JMJD1C: variants seen among roughly 807,000 people sequenced by gnomAD.
JMJD1C encodes the protein jumonji domain-containing protein 1C.
A neutral mutation model predicts 245.3 loss-of-function variants in JMJD1C; 31 were observed. The observed-to-expected ratio is 0.13, with a 90% CI of 0.09 to 0.17. The LOEUF (loss-of-function observed/expected upper bound fraction) is 0.17, where lower values mean the gene tolerates loss of function less well. Ranked by LOEUF, JMJD1C falls within the 10% of genes least tolerant of loss-of-function variation. The pLI is 1.00. For missense variants in JMJD1C, 2,691 were observed against 3,000.2 expected, an observed-to-expected ratio of 0.90 and a Z score of 2.41; for synonymous variants, 1,057 against 1,017.4, an observed-to-expected ratio of 1.04 and a Z score of -0.74.
intron 1 of JMJD1C, among the ~76,000 whole-genome samples, chr10:63,413,521 A>T (rs1441359758): frequency 6.6e-6 from 1 of 152,198 alleles, no homozygotes; most frequent in African/African-American, 2.4e-5. Context: ...AGGAAGTCTT[A>T]GATTTATTCA....
intron 2 of JMJD1C, among the ~76,000 whole-genome samples, chr10:63,308,823 C>T (rs1364927830): frequency 6.7e-6 from 1 of 149,432 alleles, no homozygotes; most frequent in Non-Finnish European, 1.5e-5. Context: ...AGAAAATTTC[C>T]CAGGGCTGAA....
intron 1 of JMJD1C, among the ~76,000 whole-genome samples, chr10:63,495,754 CA>C (rs34098324): frequency 0.15 from 20,081 of 135,638 alleles, 1,911 homozygotes; most frequent in Admixed American, 0.3. Flanking sequence ...ACTCCTAACT[CA>C]AAAAAAAAAA....
At chr10:63,464,748 GACA>G (rs1953071640) in intron 1 of JMJD1C, among the ~76,000 whole-genome samples, 2 of 151,010 alleles carry the variant, frequency 1.3e-5, no homozygotes, top group African/African-American at 2.4e-5. Context: ...CATTTTAATT[GACA>G]ACATTTTTCG....
At chr10:63,335,193 T>G (rs1942594090) in intron 2 of JMJD1C, among the ~76,000 whole-genome samples, 1 of 152,090 alleles carries the variant, frequency 6.6e-6, no homozygotes, top group African/African-American at 2.4e-5. Context: ...TTGTTCCAGG[T>G]CAGACACAGC....
At chr10:63,520,760 A>G (rs1955189452) in intron 1 of JMJD1C, among the ~76,000 whole-genome samples, 1 of 152,190 alleles carries the variant, frequency 6.6e-6, no homozygotes. Flanking sequence ...AAGGTGCCCT[A>G]AGAGGCCCAG....
At chr10:63,202,218 G>T in intron 10 of JMJD1C, 2 of 829,594 alleles carry the variant, frequency 2.4e-6, no homozygotes, top group Non-Finnish European at 2.9e-6. Context: ...CGTGCCACTG[G>T]ATTCCAGCCT....
intron 2 of JMJD1C, among the ~76,000 whole-genome samples, chr10:63,336,247 G>C (rs930052414): frequency 1.3e-5 from 2 of 152,078 alleles, no homozygotes; most frequent in African/African-American, 4.8e-5. Context: ...GATCACCTGA[G>C]GTCAGGAGTT....
At chr10:63,240,101 C>T (rs1371977047) in intron 3 of JMJD1C, among the ~76,000 whole-genome samples, 1 of 152,158 alleles carries the variant, frequency 6.6e-6, no homozygotes, top group Non-Finnish European at 1.5e-5. Context: ...TGTATGAATA[C>T]TGCCTGGCAC....
intron 1 of JMJD1C, among the ~76,000 whole-genome samples, chr10:63,393,273 T>C (rs1012010829): frequency 6.6e-6 from 1 of 151,552 alleles, no homozygotes; most frequent in African/African-American, 2.4e-5. Context: ...GTCTCAAAAG[T>C]GAAAAAGAAA....
At chr10:63,281,333 GTTTTTTT>G (rs1857364702) in intron 2 of JMJD1C, among the ~76,000 whole-genome samples, 2 of 144,158 alleles carry the variant, frequency 1.4e-5, no homozygotes, top group Non-Finnish European at 3.0e-5. Context: ...TTTGTTTTTT[GTTTTTTT>G]AGTAGAGATG....
intron 1 of JMJD1C, among the ~76,000 whole-genome samples, chr10:63,386,093 GACACAC>G (rs147951202): frequency 2.1e-4 from 31 of 150,170 alleles, no homozygotes; most frequent in Admixed American, 8.6e-4. Context: ...CACATACACA[GACACAC>G]ACACACACAC....
At chr10:63,407,121 C>A (rs1462055790) in intron 1 of JMJD1C, among the ~76,000 whole-genome samples, 1 of 152,194 alleles carries the variant, frequency 6.6e-6, no homozygotes, top group East Asian at 1.9e-4. Context: ...GTAGGGCTAA[C>A]AGGAAGACTG....
chr10:63,229,963 T>C (rs1391641999), intron 3 of JMJD1C, among the ~76,000 whole-genome samples: 1 of 152,224 alleles, frequency 6.6e-6, no homozygotes, highest in African/African-American at 2.4e-5. Context: ...CTGGTAAGCA[T>C]ATTCATCAGA....
intron 2 of JMJD1C, among the ~76,000 whole-genome samples, chr10:63,334,546 A>T (rs1942492098): frequency 6.6e-6 from 1 of 152,056 alleles, no homozygotes; most frequent in African/African-American, 2.4e-5. Flanking sequence ...ACATGGTGAA[A>T]CCCTGTCTCT....
chr10:63,358,850 C>T (rs1564829938), intron 2 of JMJD1C: 1 of 153,340 alleles, frequency 6.5e-6, no homozygotes, highest in Non-Finnish European at 1.5e-5. Context: ...CTACAACATA[C>T]ATTCACATTT....
intron 1 of JMJD1C, among the ~76,000 whole-genome samples, chr10:63,426,600 G>A (rs1366906821): frequency 6.6e-6 from 1 of 152,096 alleles, no homozygotes; most frequent in Non-Finnish European, 1.5e-5. Context: ...GAACCCAGGA[G>A]GCGGAAGTTG....
chr10:63,227,025 G>A (rs1589216990), intron 3 of JMJD1C, among the ~76,000 whole-genome samples: 1 of 152,124 alleles, frequency 6.6e-6, no homozygotes, highest in East Asian at 1.9e-4. Flanking sequence ...CCTAGATTGT[G>A]CCACTGCACT....
At chr10:63,445,006 C>T (rs1589760949) in intron 1 of JMJD1C, among the ~76,000 whole-genome samples, 1 of 152,030 alleles carries the variant, frequency 6.6e-6, no homozygotes, top group African/African-American at 2.4e-5. Flanking sequence ...GTGAAAGGAT[C>T]GCTTGAGGCC....
chr10:63,503,714 C>T (rs1388317999), intron 1 of JMJD1C, among the ~76,000 whole-genome samples: 2 of 152,192 alleles, frequency 1.3e-5, no homozygotes, highest in Non-Finnish European at 2.9e-5. Flanking sequence ...GCTGTGAATC[C>T]AGAGCAATTT....
Sources: gnomAD v4.1 joint callset for allele counts (sites outside exome capture counted in the v4.1 genomes callset) on GRCh38, gnomAD v4.1.1 for gene constraint, MANE v1.5 for transcripts, NCBI Gene and HGNC (gene_info 2026-07-23, HGNC 2026-07-21) for gene names.